The following GALNT14 variants were observed in gnomAD, a reference collection of about 807,000 sequenced individuals.
GALNT14 encodes the protein UDP-GalNAc:polypeptide N-acetylgalactosaminyltransferase 14.
A neutral mutation model predicts 77.5 loss-of-function variants in GALNT14; 60 were observed. That is an observed-to-expected ratio of 0.77 (90% CI 0.63 to 0.96). The LOEUF (loss-of-function observed/expected upper bound fraction) is 0.96. GALNT14 is among the 40% of genes least tolerant of loss of function. GALNT14 has a pLI of 0.00. For missense variants in GALNT14, 710 were observed against 731.0 expected, an observed-to-expected ratio of 0.97 and a Z score of 0.33; for synonymous variants, 280 against 281.7, an observed-to-expected ratio of 0.99 and a Z score of 0.06.
intron 1 of GALNT14, among the ~76,000 whole-genome samples, chr2:31,115,822 G>A (rs1032138727): frequency 6.6e-6 from 1 of 152,144 alleles, no homozygotes; most frequent in Non-Finnish European, 1.5e-5. Context: ...ATCACTCTAG[G>A]TGAGCCTGGG....
the GALNT14 span, among the ~76,000 whole-genome samples, chr2:30,894,769 A>T: frequency 6.6e-6 from 1 of 152,120 alleles, no homozygotes; most frequent in Admixed American, 6.5e-5. Flanking sequence ...GAGGGTGGTG[A>T]GTGGTCATCC....
At chr2:30,983,937 C>T (rs1669141332) in intron 2 of GALNT14, among the ~76,000 whole-genome samples, 3 of 152,140 alleles carry the variant, frequency 2.0e-5, no homozygotes, top group Admixed American at 2.0e-4. Flanking sequence ...GCATTTCAGC[C>T]AAGCATGGAC....
chr2:30,910,913 C>A lies in GALNT14; in HGVS notation c.1647G>T (p.Met549Ile), dbSNP rs1423766151. Reference protein sequence around the residue: ...ESSLMSQHWDMVSS With the variant: ...ESSLMSQHWDIVSS ...CTGGCAGGGGTCCTCAAGAGCTCAC[C>A]ATGTCCCAGTGCTGGCTCATGAGTG... is the stretch of plus-strand genomic sequence containing the variant. The change falls in exon 15 of 15, where the codon ATG (methionine) becomes ATT (isoleucine). Residue 549 changes from methionine to isoleucine, a missense_variant. Physicochemically the swap from Met to Ile is conservative, Grantham distance 10. Transcript: ENST00000349752. 1 of 1,613,706 alleles carries A rather than the reference C, an allele frequency of 6.2e-7. No individual in the cohort carries two copies. The highest frequency in any genetic ancestry group is 1.7e-5 in the Admixed American group (1 of 59,974).
chr2:31,063,718 T>A (rs1046939152), intron 1 of GALNT14, among the ~76,000 whole-genome samples: 2 of 152,310 alleles, frequency 1.3e-5, no homozygotes, highest in African/African-American at 4.8e-5. Flanking sequence ...CGTTTGTTTG[T>A]TTCCTCTTAT....
chr2:30,989,583 A>ATATATATATATATATATATATAAAT (rs56703340), intron 2 of GALNT14, among the ~76,000 whole-genome samples: 5 of 91,874 alleles, frequency 5.4e-5, no homozygotes, highest in Non-Finnish European at 1.1e-4. Context: ...TATATATATA[A>ATATATATATATATATATATATAAAT]AAATATATAT....
At chr2:30,919,943 T>C (rs1022850370) in intron 13 of GALNT14, among the ~76,000 whole-genome samples, 4 of 152,132 alleles carry the variant, frequency 2.6e-5, no homozygotes, top group African/African-American at 9.7e-5. Flanking sequence ...GACCTTGACA[T>C]GGGGGTACAA....
At chr2:30,907,350 A>T (rs1334807238), downstream of GALNT14, among the ~76,000 whole-genome samples, 1 of 152,210 alleles carries the variant, frequency 6.6e-6, no homozygotes. Flanking sequence ...AGAATCTAAT[A>T]GACGCAATAA....
intron 1 of GALNT14, among the ~76,000 whole-genome samples, chr2:31,094,678 G>A (rs1394309349): frequency 2.0e-5 from 3 of 152,216 alleles, no homozygotes; most frequent in Non-Finnish European, 2.9e-5. Flanking sequence ...CATAGAGAAT[G>A]GAAATACACT....
intron 1 of GALNT14, among the ~76,000 whole-genome samples, chr2:31,000,435 CTGTGTGTGTGTG>C (rs3223043): frequency 7.7e-4 from 113 of 146,080 alleles, no homozygotes; most frequent in African/African-American, 2.3e-3. Context: ...ATATCACCAA[CTGTGTGTGTGTG>C]TGTGTGTGTG....
chr2:31,001,813 T>C (rs904035555), intron 1 of GALNT14, among the ~76,000 whole-genome samples: 4 of 151,748 alleles, frequency 2.6e-5, no homozygotes, highest in Non-Finnish European at 5.9e-5. Flanking sequence ...GTAACAAAAC[T>C]ATACTTGTAC....
At chr2:30,958,488 A>G (rs992772120) in intron 3 of GALNT14, 24 bp from the exon 4 acceptor site, 9 of 1,606,202 alleles carry the variant, frequency 5.6e-6, no homozygotes, top group Non-Finnish European at 6.0e-6. Flanking sequence ...ACAGAAAAAA[A>G]TCACTGGAAC....
At chr2:30,981,629 T>C (rs756329953) in intron 2 of GALNT14, among the ~76,000 whole-genome samples, 7 of 145,372 alleles carry the variant, frequency 4.8e-5, no homozygotes, top group Non-Finnish European at 1.0e-4. Flanking sequence ...AAGGGAAGTC[T>C]GCGAGGGGAA....
intron 1 of GALNT14, among the ~76,000 whole-genome samples, chr2:31,115,361 G>A (rs763561558): frequency 7.2e-5 from 11 of 152,146 alleles, no homozygotes; most frequent in African/African-American, 1.2e-4. Flanking sequence ...GAATATTTGC[G>A]GATACAAGAG....
intron 1 of GALNT14, among the ~76,000 whole-genome samples, chr2:31,027,398 CA>C (rs1672130681): frequency 9.0e-6 from 1 of 111,024 alleles, no homozygotes; most frequent in African/African-American, 3.5e-5. Flanking sequence ...GCCTAGGCAA[CA>C]AGAGCAAAAC....
chr2:30,945,115 G>A (rs573259999), intron 7 of GALNT14, among the ~76,000 whole-genome samples, 173 bp from the exon 8 acceptor site: 151 of 152,342 alleles, frequency 9.9e-4, no homozygotes, highest in African/African-American at 3.6e-3. Flanking sequence ...CTGCCAAAGC[G>A]CCGTTCACAG....
chr2:31,024,942 T>C (rs1441251944), intron 1 of GALNT14, among the ~76,000 whole-genome samples: 6 of 152,184 alleles, frequency 3.9e-5, no homozygotes, highest in South Asian at 4.2e-4. Flanking sequence ...AGACCAAAAG[T>C]TGAAATACCT....
chr2:30,917,823 A>G (rs917505720), intron 13 of GALNT14, among the ~76,000 whole-genome samples: 2 of 152,236 alleles, frequency 1.3e-5, no homozygotes, highest in African/African-American at 2.4e-5. Context: ...ACCTGAGCCA[A>G]GTATCCAGGG....
At position 30,917,076 on chromosome 2, in the gene GALNT14, C is replaced by CAAAAAAAAAAAAAAAA. The variant is rs529653696; in HGVS notation, c.1381-4750_1381-4735dup. On this transcript the variant is annotated intron_variant, in intron 13 of 14. Coordinates refer to ENST00000349752, the MANE Select transcript of GALNT14 (RefSeq NM_024572.4). The stretch of plus-strand genomic sequence containing the variant: ...TGGGCAAAAGAGTAAGACTCCGTCT[C>CAAAAAAAAAAAAAAAA]AAAAAAAAAAAAAAAAAAAAAAAAA... Among the ~76,000 whole-genome samples, 36 of 19,908 alleles carry CAAAAAAAAAAAAAAAA rather than the reference C, an allele frequency of 1.8e-3. 5 individuals carry two copies. The highest frequency in any genetic ancestry group is 3.8e-3 in the East Asian group (2 of 528). The allele number at this position is 19,908 out of a possible 152,430, so 13.1% of individuals were successfully genotyped here.
chr2:30,992,768 G>A lies in GALNT14; in HGVS notation c.299+70C>T, dbSNP rs1669783956. ...TTAGCACTGGTGCTGCATACAGCAG[G>A]CCCCAGATCAAGCCTGCTGTTGATC... On this transcript the variant is annotated intron_variant, in intron 2 of 14. Coordinates refer to ENST00000349752, the MANE Select transcript of GALNT14 (RefSeq NM_024572.4). The A allele has an allele frequency of 3.3e-6, 5 of 1,533,612 alleles. No homozygotes were observed. The African/African-American group carries it at 5.4e-5, about 17-fold the overall frequency.
Sources: gnomAD v4.1 joint callset for allele counts (sites outside exome capture counted in the v4.1 genomes callset) on GRCh38, gnomAD v4.1.1 for gene constraint, MANE v1.5 for transcripts, NCBI Gene and HGNC (gene_info 2026-07-23, HGNC 2026-07-21) for gene names.